KCNIP4: variants seen among roughly 807,000 people sequenced by gnomAD.
The protein encoded by KCNIP4 is potassium voltage-gated channel interacting protein 4, also known as Kv channel-interacting protein 4.
KCNIP4 carries 12 observed loss-of-function variants against 34.0 expected under a neutral mutation model. The ratio of observed to expected loss-of-function variants is 0.35; its 90% CI spans 0.23 to 0.57. The LOEUF (loss-of-function observed/expected upper bound fraction) is 0.57, where lower values mean the gene tolerates loss of function less well. Ranked by LOEUF, KCNIP4 falls within the 20% of genes least tolerant of loss-of-function variation. The pLI, the probability that KCNIP4 is intolerant of heterozygous loss-of-function variation, is 0.83. For missense variants in KCNIP4, 238 were observed against 311.7 expected, an observed-to-expected ratio of 0.76 and a Z score of 1.78; for synonymous variants, 124 against 102.2, an observed-to-expected ratio of 1.21 and a Z score of -1.29.
At chr4:21,472,064 G>A (rs1730512219) in intron 1 of KCNIP4, among the ~76,000 whole-genome samples, 1 of 152,156 alleles carries the variant, frequency 6.6e-6, no homozygotes. Context: ...CCATGTGGCA[G>A]AGGTGCCTTG....
At chr4:21,832,936 C>A (rs935463945) in intron 1 of KCNIP4, among the ~76,000 whole-genome samples, 2 of 150,152 alleles carry the variant, frequency 1.3e-5, no homozygotes, top group African/African-American at 5.0e-5. Flanking sequence ...TTTTTTATGG[C>A]TGCATAGTAT....
intron 1 of KCNIP4, among the ~76,000 whole-genome samples, chr4:21,884,418 G>A (rs140886930): frequency 3.4e-4 from 52 of 152,150 alleles, no homozygotes; most frequent in African/African-American, 1.1e-3. Flanking sequence ...TGCCCTCCTC[G>A]TCTAGCCCCA....
At chr4:20,873,282 G>GT (rs1421837394) in intron 2 of KCNIP4, among the ~76,000 whole-genome samples, 1 of 152,106 alleles carries the variant, frequency 6.6e-6, no homozygotes, top group East Asian at 1.9e-4. Context: ...TCTTTGTTTA[G>GT]TTTTCTCTTT....
chr4:21,785,907 T>C (rs1719877414), intron 1 of KCNIP4, among the ~76,000 whole-genome samples: 4 of 152,222 alleles, frequency 2.6e-5, no homozygotes, highest in Non-Finnish European at 5.9e-5. Flanking sequence ...AATGCCACCA[T>C]GACCATTCAT....
intron 1 of KCNIP4, among the ~76,000 whole-genome samples, chr4:21,247,255 CA>C (rs1453880187): frequency 1.3e-5 from 2 of 152,200 alleles, no homozygotes; most frequent in African/African-American, 2.4e-5. Context: ...AAAACCACCT[CA>C]AATTACTGTA....
chr4:21,284,734 T>TTGTGTG (rs10547040), intron 1 of KCNIP4, among the ~76,000 whole-genome samples: 3 of 149,480 alleles, frequency 2.0e-5, no homozygotes, highest in Non-Finnish European at 4.5e-5. Context: ...GTGGGTGCCC[T>TTGTGTG]TGTGTGTGTG....
intron 1 of KCNIP4, among the ~76,000 whole-genome samples, chr4:21,007,947 C>A (rs1428094956): frequency 6.6e-6 from 1 of 152,172 alleles, no homozygotes; most frequent in Non-Finnish European, 1.5e-5. Flanking sequence ...TTAATTGGAG[C>A]TCATCTGTTT....
intron 1 of KCNIP4, among the ~76,000 whole-genome samples, chr4:21,398,068 G>T (rs1459869662): frequency 6.6e-6 from 1 of 152,160 alleles, no homozygotes; most frequent in Non-Finnish European, 1.5e-5. Context: ...TTCATTATAG[G>T]TTTAGCTGAG....
intron 1 of KCNIP4, among the ~76,000 whole-genome samples, chr4:21,170,052 G>C (rs1289038958): frequency 3.3e-5 from 5 of 152,078 alleles, no homozygotes; most frequent in Admixed American, 2.6e-4. Context: ...AGTTTTTATA[G>C]GAAAAGAAGG....
At chr4:21,852,794 C>T (rs1399979088) in intron 1 of KCNIP4, 1 of 152,164 alleles carries the variant, frequency 6.6e-6, no homozygotes, top group Non-Finnish European at 1.5e-5. Flanking sequence ...AGAATTCTAA[C>T]AGTTTTACTG....
intron 1 of KCNIP4, among the ~76,000 whole-genome samples, chr4:21,503,425 T>C (rs115643715): frequency 0.01 from 1,532 of 152,262 alleles, 25 homozygotes; most frequent in African/African-American, 0.035. Context: ...ACCTCAATCA[T>C]CCTAATAAGT....
intron 5 of KCNIP4, among the ~76,000 whole-genome samples, chr4:20,739,005 G>C (rs1330668160): frequency 2.0e-5 from 3 of 152,268 alleles, no homozygotes; most frequent in African/African-American, 7.2e-5. Context: ...ACAGAAGTCC[G>C]AGATCGAACT....
chr4:21,354,274 A>G (rs1718334152), intron 1 of KCNIP4, among the ~76,000 whole-genome samples: 1 of 152,208 alleles, frequency 6.6e-6, no homozygotes, highest in African/African-American at 2.4e-5. Flanking sequence ...CATCATAATG[A>G]CAGGATCAAA....
intron 1 of KCNIP4, among the ~76,000 whole-genome samples, chr4:21,158,195 C>T (rs920237043): frequency 3.6e-4 from 54 of 152,016 alleles, no homozygotes; most frequent in Admixed American, 7.2e-4. Context: ...GTTCTAGGCC[C>T]AGATGGTTTT....
At chr4:20,980,403 T>C (rs893435974) in intron 1 of KCNIP4, among the ~76,000 whole-genome samples, 6 of 152,232 alleles carry the variant, frequency 3.9e-5, no homozygotes, top group Admixed American at 6.5e-5. Context: ...CAAATCCCTA[T>C]AGTAAAATCA....
In KCNIP4 at chr4:21,111,361, T is replaced by G. The variant is rs111564410; in HGVS notation, c.62-228652A>C. Among the ~76,000 whole-genome samples the G allele has an allele frequency of 3.2e-3, 481 of 152,308 alleles. 2 individuals carry two copies. The highest frequency in any genetic ancestry group is 0.011 in the African/African-American group (459 of 41,564). ...TGCACTTTACCCTTATCCTCAGACA[T>G]GGTCAAGATTCCACAGGACTAAATT... On this transcript the variant is annotated intron_variant, in intron 1 of 8. Coordinates refer to ENST00000382152, the MANE Select transcript of KCNIP4 (RefSeq NM_025221.6).
At chr4:21,069,352 A>C (rs962611111) in intron 1 of KCNIP4, among the ~76,000 whole-genome samples, 1 of 152,228 alleles carries the variant, frequency 6.6e-6, no homozygotes. Context: ...CATTCAGCAC[A>C]TCATTCTACT....
intron 1 of KCNIP4, among the ~76,000 whole-genome samples, chr4:21,018,379 C>T (rs557478564): frequency 1.3e-5 from 2 of 152,270 alleles, no homozygotes; most frequent in South Asian, 2.1e-4. Flanking sequence ...GGTGAGATGT[C>T]CATGAGATTG....
At chr4:21,498,782 T>C (rs1733060912) in intron 1 of KCNIP4, among the ~76,000 whole-genome samples, 1 of 152,254 alleles carries the variant, frequency 6.6e-6, no homozygotes, top group South Asian at 2.1e-4. Context: ...AAATAACAAC[T>C]GTGCAGATGA....
Sources: gnomAD v4.1 joint callset for allele counts (sites outside exome capture counted in the v4.1 genomes callset) on GRCh38, gnomAD v4.1.1 for gene constraint, MANE v1.5 for transcripts, NCBI Gene and HGNC (gene_info 2026-07-23, HGNC 2026-07-21) for gene names.